The following UNC13D variants were observed in gnomAD, a reference collection of about 807,000 sequenced individuals.
UNC13D encodes protein unc-13 homolog D.
Under a neutral mutation model 151.7 loss-of-function variants are expected in UNC13D, and 115 were observed. That is an observed-to-expected ratio of 0.76 (90% CI 0.65 to 0.88). UNC13D has a LOEUF of 0.88. UNC13D is among the 40% of genes least tolerant of loss of function. The probability of loss-of-function intolerance (pLI) is 0.00; values close to 1 mark genes in which losing one functional copy is unlikely to be tolerated. For missense variants in UNC13D, 1,369 were observed against 1,438.7 expected (o/e 0.95, Z 0.78); for synonymous variants, 588 against 612.2 (o/e 0.96, Z 0.58).
intron 1 of UNC13D, chr17:75,843,729 C>T: frequency 2.1e-6 from 3 of 1,433,792 alleles, no homozygotes; most frequent in Non-Finnish European, 2.7e-6. Context: ...CCATGGGTGC[C>T]CAGCAGCGCG....
chr17:75,829,998 G>T, intron 30 of UNC13D, 30 bp downstream of exon 30: 1 of 1,567,514 alleles, frequency 6.4e-7, no homozygotes, highest in Admixed American at 1.9e-5. Flanking sequence ...GATGAGGGGA[G>T]GGACTGGGAG....
At position 75,835,716 on chromosome 17, in the gene UNC13D, C is replaced by T; in HGVS notation, c.1658G>A (p.Gly553Asp). Residue 553 changes from glycine to aspartate, a missense_variant, in exon 19 of 32, where the codon GGC becomes GAC. By Grantham distance (94) the Gly-to-Asp change is moderately conservative. This residue lies in a region of UNC13D where 807 missense variants were observed against 795.5 expected (regional missense o/e 1.01). Transcript: ENST00000207549. The part of the protein sequence containing the change: ...VVGDVVSPEM[G>D]ESLFQLYISL... The stretch of plus-strand genomic sequence containing the variant: ...GATGTAGAGCTGGAACAGACTCTCG[C>T]CCATCTCTGGGGACACTACATCACC... 1.2e-6 allele frequency: 2 copies of T among 1,613,698 alleles called. No homozygotes were observed. Among genetic ancestry groups the T allele is most frequent in the Non-Finnish European group, 1.7e-6 (2 of 1,180,036 alleles).
In UNC13D at chr17:75,835,665, C is replaced by T. The variant is rs774248632; in HGVS notation, c.1709G>A (p.Arg570His). 7.5e-5 allele frequency: 121 copies of T among 1,613,208 alleles called. 1 individual carries two copies. The South Asian group carries it at 1.0e-3, about 14-fold the overall frequency. ...YISLKELCQLRMSSSERDGVL... is the reference protein window; with the variant it reads ...YISLKELCQLHMSSSERDGVL... ...TGCCCACCTCTCTGAGGAGCTCATGCGCAGCTGGCAGAGCTCCTTGAGGCT... is the reference window on the plus strand; with the variant it reads ...TGCCCACCTCTCTGAGGAGCTCATGTGCAGCTGGCAGAGCTCCTTGAGGCT... The change falls in exon 19 of 32, where the codon CGC (arginine) becomes CAC (histidine). Residue 570 changes from arginine to histidine, a missense_variant. Arg to His is a conservative substitution (Grantham distance 29, BLOSUM62 0). Coordinates refer to ENST00000207549, the MANE Select transcript of UNC13D (RefSeq NM_199242.3).
rs745391451 is a variant in UNC13D, at chr17:75,830,481, G to T, written c.2711C>A (p.Ala904Glu). The change falls in exon 29 of 32, where the codon GCA becomes GAA. Residue 904 changes from alanine to glutamate, a missense_variant and splice_region_variant. By Grantham distance (107) the Ala-to-Glu change is moderately radical. Transcript: ENST00000207549. ...KYFCSRIQQQAETTSEELGAV... is the reference protein window; with the variant it reads ...KYFCSRIQQQEETTSEELGAV... The stretch of plus-strand genomic sequence containing the variant: ...CCCCAGCTCCTCAGAGGTGGTTTCT[G>T]CCTGGGGTGGGGAGCAGGGGCAGGG... 9 of 1,591,324 alleles carry T rather than the reference G, an allele frequency of 5.7e-6. No individual in the cohort carries two copies. Among genetic ancestry groups the T allele is most frequent in the Admixed American group, 1.8e-5 (1 of 56,462 alleles).
chr17:75,836,256 T>C lies in UNC13D; in HGVS notation c.1390A>G (p.Thr464Ala). The C allele has an allele frequency of 6.2e-7, 1 of 1,612,788 alleles. No individual in the cohort carries two copies. Among genetic ancestry groups the C allele is most frequent in the Non-Finnish European group, 8.5e-7 (1 of 1,179,626 alleles). Reference sequence around the variant, plus strand: ...AGGTGGAACCATTCAGTGGTGCCAGTCTGTCGACAAAGAGGCAGTGAGCAG... The same window carrying C: ...AGGTGGAACCATTCAGTGGTGCCAGCCTGTCGACAAAGAGGCAGTGAGCAG... The part of the protein sequence containing the change: ...LPQLVTEALQ[T>A]GTTEWFHLKQ... Residue 464 changes from threonine to alanine, a missense_variant and splice_region_variant, in exon 16 of 32, where the codon ACT becomes GCT. Physicochemically the swap from Thr to Ala is moderately conservative, Grantham distance 58. Around this residue, in one of 3 missense-constraint regions of UNC13D, gnomAD observed 12 missense variants for 34.3 expected, o/e 0.35. Transcript: ENST00000207549.
Position 75,835,885 on chromosome 17 carries a change from G to A in UNC13D, c.1566C>T (p.Phe522=), listed in dbSNP as rs1410077198. ...IFHNTLKIHL[F]SMAFRELQWL... ...ACTGCAGCTCCCGGAAAGCCATGGA[G>A]AAGAGGTGGATCTTGAGGGTACTGG... is the stretch of plus-strand genomic sequence containing the variant. Residue 522 remains phenylalanine (F), a synonymous_variant, in exon 18 of 32, where the codon TTC becomes TTT. Transcript: ENST00000207549. 1 of 1,614,190 alleles carries A rather than the reference G, an allele frequency of 6.2e-7. No individual in the cohort carries two copies. The highest frequency in any genetic ancestry group is 8.5e-7 in the Non-Finnish European group (1 of 1,180,030).
intron 12 of UNC13D, among the ~76,000 whole-genome samples, chr17:75,837,465 T>C (rs1221294629): frequency 6.6e-6 from 1 of 151,226 alleles, no homozygotes; most frequent in Non-Finnish European, 1.5e-5. Flanking sequence ...TTTTGAAAAA[T>C]TGGATTAGCT....
In UNC13D at chr17:75,839,952, G is replaced by A; in HGVS notation, c.952-10C>T. On this transcript the variant is annotated splice_polypyrimidine_tract_variant and intron_variant, in intron 11 of 31. Transcript: ENST00000207549. The stretch of plus-strand genomic sequence containing the variant: ...AGGAGGTGCTTCCCGCCTGAGGGGA[G>A]CAGGTGGAGGAGTGTCAGGACCTGA... 1 of 1,613,712 alleles carries A rather than the reference G, an allele frequency of 6.2e-7. No homozygotes were observed. The highest frequency in any genetic ancestry group is 1.1e-5 in the South Asian group (1 of 91,076).
Position 75,843,172 on chromosome 17 carries a change from C to G in UNC13D, c.248G>C (p.Arg83Pro), listed in dbSNP as rs143944122. Residue 83 changes from arginine to proline, a missense_variant, in exon 3 of 32, where the codon CGA (arginine) becomes CCA (proline). Arg to Pro is a moderately radical substitution (Grantham distance 103, BLOSUM62 -2). This residue lies in a region of UNC13D where 550 missense variants were observed against 609.0 expected (regional missense o/e 0.90). Coordinates refer to ENST00000207549, the MANE Select transcript of UNC13D (RefSeq NM_199242.3). ...NHVTEASELL[R>P]YLQEAFHVEP... ...AGCCGGGCTCACCTCCTGCAGGTAT[C>G]GCAGCAGCTCAGAGGCCTCCGTCAC... 2.5e-6 allele frequency: 4 copies of G among 1,612,162 alleles called. No homozygotes were observed. Among genetic ancestry groups the G allele is most frequent in the Non-Finnish European group, 3.4e-6 (4 of 1,179,954 alleles).
At chr17:75,830,260 T>C in intron 29 of UNC13D, 102 bp downstream of exon 29, 1 of 1,555,408 alleles carries the variant, frequency 6.4e-7, no homozygotes, top group Non-Finnish European at 8.7e-7. Flanking sequence ...CTGGAGGAAA[T>C]GCACCCAGAG....
Position 75,842,840 on chromosome 17 carries a change from C to T in UNC13D, c.388+17G>A. On this transcript the variant is annotated intron_variant, in intron 5 of 31. Transcript: ENST00000207549. ...GAGCCAGGAAGAAGCCCCTTGGGGA[C>T]CCCACCCCATGCTCACCACTGACAT... The T allele has an allele frequency of 3.1e-6, 5 of 1,613,544 alleles. No homozygotes were observed. Among genetic ancestry groups the T allele is most frequent in the Middle Eastern group, 3.3e-4 (2 of 6,062 alleles).
chr17:75,827,688 CG>C lies in UNC13D; in HGVS notation c.*276del. The stretch of plus-strand genomic sequence containing the variant: ...CCACCACAGCAGCTTTTCTGAGAGG[CG>C]GGCAGGGGCAGGGTTTGCTCCCCCT... On this transcript the variant is annotated 3_prime_UTR_variant, in exon 32 of 32. Transcript: ENST00000207549. 6.5e-7 allele frequency: 1 copy of C among 1,527,464 alleles called. No individual in the cohort carries two copies. 94.6% of individuals were successfully genotyped at this position (1,527,464 alleles called of 1,614,324 possible).
chr17:75,837,272 G>A (rs1411218245), intron 12 of UNC13D, among the ~76,000 whole-genome samples: 1 of 150,800 alleles, frequency 6.6e-6, no homozygotes, highest in Non-Finnish European at 1.5e-5. Flanking sequence ...CACCATGTTG[G>A]CCAGGCTGGT....
chr17:75,839,987 C>CCGGCTG, intron 11 of UNC13D, 31 bp downstream of exon 11: 1 of 1,613,448 alleles, frequency 6.2e-7, no homozygotes. Context: ...AAGGGCAGCC[C>CCGGCTG]CGGCTGCGCC....
rs565976477 is a variant in UNC13D at position 75,830,375 on chromosome 17, G to A, written c.2817C>T (p.Pro939=). The A allele has an allele frequency of 1.6e-5, 26 of 1,592,334 alleles. No individual in the cohort carries two copies. Among genetic ancestry groups the A allele is most frequent in the South Asian group, 1.1e-4 (10 of 87,674 alleles). Residue 939 remains proline, a synonymous_variant, in exon 29 of 32, where the codon CCC becomes CCT. Transcript: ENST00000207549. ...GCCTCCACTCACCATTGGAGTCCAG[G>A]GGCAGCAGGCTGGAGGCGCTGAGCA... ...VELLSASSLL[P]LDSNGSSDPF...
At chr17:75,842,957 A>C (rs767732930) in intron 4 of UNC13D, 34 bp from the exon 5 acceptor site, 1 of 1,613,106 alleles carries the variant, frequency 6.2e-7, no homozygotes, top group Non-Finnish European at 8.5e-7. Context: ...TGAGTCCCTG[A>C]GGGGGCTGGG....
At position 75,840,467 on chromosome 17, in the gene UNC13D, C is replaced by T. The variant is rs1046140432; in HGVS notation, c.753+40G>A. The T allele has an allele frequency of 1.9e-6, 3 of 1,613,560 alleles. No individual in the cohort carries two copies. Among genetic ancestry groups the T allele is most frequent in the South Asian group, 2.2e-5 (2 of 91,070 alleles). On this transcript the variant is annotated intron_variant, in intron 9 of 31. Coordinates refer to ENST00000207549, the MANE Select transcript of UNC13D (RefSeq NM_199242.3). The surrounding 1 kb of genome is among the most constrained non-coding windows in gnomAD (Gnocchi z 4.6). ...CCCAGAACCCCTCCCAACCCCCTCCCTCTGCCTCGCTCCTGGGCCCCTTTC... is the reference window on the plus strand; with the variant it reads ...CCCAGAACCCCTCCCAACCCCCTCCTTCTGCCTCGCTCCTGGGCCCCTTTC...
In UNC13D at chr17:75,844,225, G is replaced by T; in HGVS notation, c.113C>A (p.Pro38Gln). 1 of 1,611,606 alleles carries T rather than the reference G, an allele frequency of 6.2e-7. No individual in the cohort carries two copies. Residue 38 changes from proline (P) to glutamine (Q), a missense_variant, in exon 1 of 32, where the codon CCG becomes CAG. This residue lies in a region of UNC13D where 550 missense variants were observed against 609.0 expected (regional missense o/e 0.90). Transcript: ENST00000207549. ...CCCCAGTGAGGTCACTCCTACCTCC[G>T]GGGCCATTTGGGGCGGGGGATCCTG... The part of the protein sequence containing the change: ...DLQDPPPQMA[P>Q]EIQPPSHHFS...
chr17:75,836,395 C>T lies in UNC13D; in HGVS notation c.1333G>A (p.Gly445Arg), dbSNP rs1311287391. Residue 445 changes from glycine (G) to arginine (R), a missense_variant, in exon 15 of 32, where the codon GGA becomes AGA. Gly to Arg is a moderately radical substitution (Grantham distance 125, BLOSUM62 -2). Coordinates refer to ENST00000207549, the MANE Select transcript of UNC13D (RefSeq NM_199242.3). ...GGGGCGGTGTTGGGGCACAGTTCTCCAAAGGCCTTCATCTTGCACATCTGT... is the reference window on the plus strand; with the variant it reads ...GGGGCGGTGTTGGGGCACAGTTCTCTAAAGGCCTTCATCTTGCACATCTGT... Reference protein sequence around the residue: ...LVQMCKMKAFGELCPNTAPLP... With the variant: ...LVQMCKMKAFRELCPNTAPLP... 8 of 1,613,642 alleles carry T rather than the reference C, an allele frequency of 5.0e-6. No homozygotes were observed. The Admixed American group carries it at 1.3e-4, about 27-fold the overall frequency.
Sources: allele counts gnomAD v4.1 joint callset (sites outside exome capture counted in the v4.1 genomes callset), GRCh38; gene constraint gnomAD v4.1.1; regional missense constraint gnomAD v4.1.1; non-coding constraint Gnocchi (gnomAD v3.1); transcripts MANE v1.5; gene names NCBI Gene and HGNC (gene_info 2026-07-23, HGNC 2026-07-21).